DDX4: variants seen among roughly 807,000 people sequenced by gnomAD.
DDX4 encodes probable ATP-dependent RNA helicase DDX4.
DDX4 carries 25 observed loss-of-function variants against 100.0 expected under a neutral mutation model. The ratio of observed to expected loss-of-function variants is 0.25; its 90% CI spans 0.18 to 0.35. The LOEUF is 0.35. Ranked by LOEUF, DDX4 falls within the 10% of genes least tolerant of loss-of-function variation. The pLI is 1.00. For missense variants in DDX4, 635 were observed against 882.4 expected (o/e 0.72, Z 3.55); for synonymous variants, 259 against 275.7 (o/e 0.94, Z 0.60).
intron 18 of DDX4, among the ~76,000 whole-genome samples, chr5:55,806,308 T>C (rs1174594116): frequency 5.3e-5 from 8 of 152,242 alleles, no homozygotes; most frequent in Non-Finnish European, 5.9e-5. Context: ...AAGGGTTTTT[T>C]TTGTCTCTTA....
chr5:55,799,239 A>G (rs1260945370), intron 18 of DDX4, among the ~76,000 whole-genome samples: 1 of 151,616 alleles, frequency 6.6e-6, no homozygotes, highest in Non-Finnish European at 1.5e-5. Context: ...AGCTAATTCT[A>G]TTATTTTTTG....
chr5:55,816,281 A>C (rs1744414944), intron 21 of DDX4, among the ~76,000 whole-genome samples, 182 bp from the exon 22 acceptor site: 1 of 152,160 alleles, frequency 6.6e-6, no homozygotes, highest in Admixed American at 6.5e-5. Flanking sequence ...AGATTTCCTC[A>C]TTTGACAGGA....
intron 16 of DDX4, 61 bp downstream of exon 16, chr5:55,790,766 G>C: frequency 1.3e-6 from 2 of 1,486,700 alleles, no homozygotes; most frequent in Admixed American, 3.4e-5. Flanking sequence ...TATGGGAAAA[G>C]GAAAGAATGA....
chr5:55,751,320 A>G (rs1313471160), intron 3 of DDX4, among the ~76,000 whole-genome samples: 3 of 152,120 alleles, frequency 2.0e-5, no homozygotes, highest in Admixed American at 6.5e-5. Flanking sequence ...TGCAGCTTCA[A>G]TCTCCCAGGC....
rs1459252595 is a variant in DDX4, at chr5:55,753,653, G to A, written c.128-6547G>A. ...TGGCTTAGGATTGACTTGGCGATGC[G>A]GGCTCTTTTTTGGTTCCATATGAAC... On this transcript the variant is annotated intron_variant, in intron 3 of 21. Coordinates refer to ENST00000505374, the MANE Select transcript of DDX4 (RefSeq NM_024415.3). Among the ~76,000 whole-genome samples the A allele has an allele frequency of 1.1e-3, 158 of 147,330 alleles. 2 individuals carry two copies. The highest frequency in any genetic ancestry group is 3.7e-3 in the African/African-American group (151 of 40,284).
intron 17 of DDX4, among the ~76,000 whole-genome samples, chr5:55,796,328 TA>T (rs1742933264): frequency 6.6e-6 from 1 of 152,226 alleles, no homozygotes. Context: ...TGACACCAAA[TA>T]TTAACCATTA....
chr5:55,744,313 T>C (rs1238233172), intron 2 of DDX4, among the ~76,000 whole-genome samples: 3 of 152,218 alleles, frequency 2.0e-5, no homozygotes, highest in African/African-American at 7.2e-5. Flanking sequence ...ATATAGTTAG[T>C]TGATTAAGAG....
chr5:55,808,217 G>A (rs12523198), intron 18 of DDX4, among the ~76,000 whole-genome samples: 16,448 of 151,952 alleles, frequency 0.11, 1,359 homozygotes, highest in East Asian at 0.29. Context: ...TTAGCCATTC[G>A]TCTAATTTTT....
chr5:55,776,657 A>G (rs1561496123), intron 7 of DDX4, among the ~76,000 whole-genome samples: 1 of 152,298 alleles, frequency 6.6e-6, no homozygotes, highest in East Asian at 1.9e-4. Context: ...TCTGAATCCA[A>G]ATAACTATAT....
intron 2 of DDX4, among the ~76,000 whole-genome samples, chr5:55,745,933 T>C (rs991040315): frequency 1.3e-5 from 2 of 152,182 alleles, no homozygotes; most frequent in Admixed American, 6.5e-5. Context: ...TGGCTGTAGT[T>C]TTCTGACCAC....
chr5:55,797,277 A>G (rs188146181), intron 17 of DDX4, among the ~76,000 whole-genome samples: 1 of 152,136 alleles, frequency 6.6e-6, no homozygotes, highest in African/African-American at 2.4e-5. Flanking sequence ...CTATTCTAAC[A>G]CTAAACTGTA....
intron 17 of DDX4, among the ~76,000 whole-genome samples, chr5:55,797,517 G>A (rs903132077): frequency 6.6e-6 from 1 of 152,198 alleles, no homozygotes; most frequent in Non-Finnish European, 1.5e-5. Flanking sequence ...TTTCTTTTAT[G>A]ATAAGAGATC....
chr5:55,781,609 T>G (rs1259505677), intron 9 of DDX4, among the ~76,000 whole-genome samples: 2 of 151,910 alleles, frequency 1.3e-5, no homozygotes, highest in Non-Finnish European at 2.9e-5. Flanking sequence ...AAACCCTATC[T>G]CTACTAAAAA....
chr5:55,747,752 C>T (rs923411385), intron 3 of DDX4, among the ~76,000 whole-genome samples: 2 of 152,184 alleles, frequency 1.3e-5, no homozygotes, highest in Admixed American at 6.5e-5. Context: ...CTCCCCTGAT[C>T]CTGGCAACCA....
At chr5:55,757,782 G>A (rs1336584437) in intron 3 of DDX4, among the ~76,000 whole-genome samples, 1 of 152,086 alleles carries the variant, frequency 6.6e-6, no homozygotes, top group Non-Finnish European at 1.5e-5. Context: ...GGTGGCTCAC[G>A]CCTGTAGTCC....
chr5:55,738,547 A>T (rs931660614), intron 1 of DDX4, among the ~76,000 whole-genome samples: 1 of 151,774 alleles, frequency 6.6e-6, no homozygotes, highest in Non-Finnish European at 1.5e-5. Context: ...CAAACATCCT[A>T]TCCACCTTGG....
At chr5:55,757,032 T>C (rs1405646723) in intron 3 of DDX4, among the ~76,000 whole-genome samples, 1 of 152,224 alleles carries the variant, frequency 6.6e-6, no homozygotes, top group Non-Finnish European at 1.5e-5. Context: ...ATTGTATATT[T>C]TCCTTAGGAT....
At chr5:55,789,233 C>T (rs956122995) in intron 15 of DDX4, among the ~76,000 whole-genome samples, 1 of 152,150 alleles carries the variant, frequency 6.6e-6, no homozygotes, top group African/African-American at 2.4e-5. Flanking sequence ...ATTTAGTTAT[C>T]GCTGCCTAAC....
intron 13 of DDX4, among the ~76,000 whole-genome samples, 188 bp from the exon 14 acceptor site, chr5:55,786,330 T>C (rs1465074177): frequency 1.3e-5 from 2 of 152,214 alleles, no homozygotes; most frequent in African/African-American, 4.8e-5. Context: ...ACTTCATGAT[T>C]CTGTCAAATC....
Sources: allele counts gnomAD v4.1 joint callset (sites outside exome capture counted in the v4.1 genomes callset), GRCh38; gene constraint gnomAD v4.1.1; transcripts MANE v1.5; gene names NCBI Gene and HGNC (gene_info 2026-07-23, HGNC 2026-07-21).